The following TRDN variants were observed in gnomAD, a reference collection of about 807,000 sequenced individuals.
The protein encoded by TRDN is triadin.
TRDN carries 161 observed loss-of-function variants against 149.7 expected under a neutral mutation model. That is an observed-to-expected ratio of 1.08 (90% CI 0.95 to 1.23). The LOEUF is 1.23. Ranked by LOEUF, TRDN falls within the 50% of genes most tolerant of loss-of-function variation. The probability of loss-of-function intolerance (pLI) is 0.00; values close to 1 mark genes in which losing one functional copy is unlikely to be tolerated. For missense variants in TRDN, 896 were observed against 823.5 expected (o/e 1.09, Z -1.08); for synonymous variants, 294 against 250.5 (o/e 1.17, Z -1.64).
At chr6:123,374,308 GGAA>G (rs1324475002) in intron 19 of TRDN, among the ~76,000 whole-genome samples, 26 of 151,854 alleles carry the variant, frequency 1.7e-4, no homozygotes, top group African/African-American at 5.6e-4. Context: ...CATTTTTCTA[GGAA>G]GAAGATTTTC....
chr6:123,231,815 C>T (rs1177244345), intron 38 of TRDN, among the ~76,000 whole-genome samples: 1 of 151,720 alleles, frequency 6.6e-6, no homozygotes, highest in East Asian at 1.9e-4. Flanking sequence ...AATTAGGGTC[C>T]GGGACAAGTA....
At chr6:123,551,913 GA>G (rs1781411035) in intron 2 of TRDN, among the ~76,000 whole-genome samples, 1 of 152,018 alleles carries the variant, frequency 6.6e-6, no homozygotes, top group Non-Finnish European at 1.5e-5. Flanking sequence ...CTCTTAAAAG[GA>G]AGAACAAAGA....
Position 123,629,608 on chromosome 6 carries a change from A to T in TRDN, c.22+7146T>A, listed in dbSNP as rs78192107. On this transcript the variant is annotated intron_variant, in intron 1 of 40. Transcript: ENST00000334268. ...CCACATGCCCTAGCTTCTGGCACAG[A>T]TAACAAATTAGAAAATATCTAAACC... Among the ~76,000 whole-genome samples, 1,755 of 152,250 alleles carry T rather than the reference A, an allele frequency of 0.012. 74 individuals carry two copies. In the East Asian group the frequency reaches 0.17, roughly 15 times the overall value.
chr6:123,328,533 G>A (rs1011546655), intron 23 of TRDN, among the ~76,000 whole-genome samples: 61 of 151,700 alleles, frequency 4.0e-4, no homozygotes, highest in African/African-American at 1.4e-3. Context: ...CCTTCCTCTC[G>A]CACCAATCTT....
intron 20 of TRDN, among the ~76,000 whole-genome samples, chr6:123,362,347 G>T (rs771503162): frequency 6.6e-6 from 1 of 152,054 alleles, no homozygotes; most frequent in Non-Finnish European, 1.5e-5. Flanking sequence ...GCATATGTTT[G>T]AGTGTTATTT....
chr6:123,499,719 A>AAAAAAAAAATATATATATATATAT, intron 8 of TRDN, among the ~76,000 whole-genome samples: 1 of 47,678 alleles, frequency 2.1e-5, no homozygotes, highest in Non-Finnish European at 4.5e-5. Context: ...AAAAAAAAAA[A>AAAAAAAAAATATATATATATATAT]ATATATATAT....
At chr6:123,363,614 T>G (rs7748321) in intron 20 of TRDN, among the ~76,000 whole-genome samples, 2,403 of 152,236 alleles carry the variant, frequency 0.016, 62 homozygotes, top group African/African-American at 0.055. Context: ...ATTTATTTCC[T>G]TTCACTTCCC....
chr6:123,315,525 A>G (rs1778991013), intron 24 of TRDN, among the ~76,000 whole-genome samples: 1 of 151,982 alleles, frequency 6.6e-6, no homozygotes, highest in Non-Finnish European at 1.5e-5. Flanking sequence ...GGTGATTTGT[A>G]ATAACTGCTT....
chr6:123,284,004 G>GTATA (rs1562244964), intron 24 of TRDN, among the ~76,000 whole-genome samples: 1 of 58,848 alleles, frequency 1.7e-5, no homozygotes, highest in Non-Finnish European at 2.8e-5. Flanking sequence ...ATATATATAT[G>GTATA]TAACAAACCT....
intron 16 of TRDN, among the ~76,000 whole-genome samples, chr6:123,380,952 C>G (rs1050448475): frequency 2.0e-5 from 3 of 151,602 alleles, no homozygotes; most frequent in Non-Finnish European, 4.4e-5. Context: ...CATGGGCATG[C>G]CAAAATATCT....
intron 40 of TRDN, 100 bp downstream of exon 40, chr6:123,221,387 T>G: frequency 1.4e-6 from 1 of 730,142 alleles, no homozygotes. Context: ...AAAAAATTTT[T>G]TCTTCGAATA....
At chr6:123,398,677 A>G (rs940603236) in intron 12 of TRDN, among the ~76,000 whole-genome samples, 3 of 152,228 alleles carry the variant, frequency 2.0e-5, no homozygotes, top group African/African-American at 7.2e-5. Context: ...ACTCCAGGAA[A>G]GCATATTTCA....
At chr6:123,581,525 A>C (rs73539171) in intron 1 of TRDN, among the ~76,000 whole-genome samples, 7,276 of 152,330 alleles carry the variant, frequency 0.048, 219 homozygotes, top group Middle Eastern at 0.075. Flanking sequence ...AGCTTTAAAA[A>C]GTGTCATGTT....
chr6:123,295,243 G>C (rs1464475761), intron 24 of TRDN, among the ~76,000 whole-genome samples: 1 of 152,126 alleles, frequency 6.6e-6, no homozygotes, highest in Non-Finnish European at 1.5e-5. Flanking sequence ...TGTCTGCATA[G>C]ACTGCTCCTT....
chr6:123,441,669 A>G (rs1774896622), intron 10 of TRDN, among the ~76,000 whole-genome samples: 1 of 152,188 alleles, frequency 6.6e-6, no homozygotes. Context: ...AAGCCCTCAC[A>G]ATGGGCTTTT....
chr6:123,564,050 A>C (rs528771030), intron 2 of TRDN, among the ~76,000 whole-genome samples: 1 of 152,374 alleles, frequency 6.6e-6, no homozygotes, highest in South Asian at 2.1e-4. Context: ...CTTCTTAAAA[A>C]TGAATACTTT....
At chr6:123,235,894 C>T (rs758891374) in intron 38 of TRDN, among the ~76,000 whole-genome samples, 1 of 152,178 alleles carries the variant, frequency 6.6e-6, no homozygotes, top group Non-Finnish European at 1.5e-5. Context: ...GAGAAATATT[C>T]TGTTGTGTGG....
intron 21 of TRDN, among the ~76,000 whole-genome samples, chr6:123,348,120 A>G (rs1780329194): frequency 6.6e-6 from 1 of 152,064 alleles, no homozygotes; most frequent in African/African-American, 2.4e-5. Context: ...CAGACTTTAC[A>G]GGTCATAATG....
chr6:123,502,138 T>C, intron 8 of TRDN: 2 of 984,298 alleles, frequency 2.0e-6, no homozygotes, highest in Non-Finnish European at 2.4e-6. Context: ...ATTTTTCTTT[T>C]TGAACAGCAA....
Sources: gnomAD v4.1 joint callset for allele counts (sites outside exome capture counted in the v4.1 genomes callset) on GRCh38, gnomAD v4.1.1 for gene constraint, MANE v1.5 for transcripts, NCBI Gene and HGNC (gene_info 2026-07-23, HGNC 2026-07-21) for gene names.